RCAN1: variants seen among roughly 807,000 people sequenced by gnomAD.
RCAN1 encodes regulator of calcineurin 1.
A neutral mutation model predicts 22.9 loss-of-function variants in RCAN1; 11 were observed. The observed-to-expected ratio is 0.48, with a 90% CI of 0.30 to 0.79. RCAN1 has a LOEUF of 0.79. Among genes scored for constraint, RCAN1 ranks in the 30% least tolerant of loss-of-function variants. RCAN1 has a pLI of 0.06. For missense variants in RCAN1, 291 were observed against 337.8 expected, an observed-to-expected ratio of 0.86 and a Z score of 1.09; for synonymous variants, 136 against 142.3, an observed-to-expected ratio of 0.96 and a Z score of 0.32.
intron 1 of RCAN1, among the ~76,000 whole-genome samples, chr21:34,594,335 C>T (rs998784274): frequency 6.6e-6 from 1 of 152,140 alleles, no homozygotes; most frequent in South Asian, 2.1e-4. Flanking sequence ...GGGTGGATCA[C>T]GGGGTCAAGA....
intron 1 of RCAN1, among the ~76,000 whole-genome samples, chr21:34,532,256 T>G (rs1490237715): frequency 6.6e-6 from 1 of 152,098 alleles, no homozygotes; most frequent in Non-Finnish European, 1.5e-5. Context: ...AAACTGACTT[T>G]GCGGGGTTCT....
At chr21:34,538,261 G>A (rs916712405) in intron 1 of RCAN1, among the ~76,000 whole-genome samples, 16 of 152,196 alleles carry the variant, frequency 1.1e-4, no homozygotes, top group Non-Finnish European at 1.5e-5. Context: ...TCGGAGAAGA[G>A]AGCATTTTAA....
At chr21:34,532,926 T>C (rs577044225) in intron 1 of RCAN1, among the ~76,000 whole-genome samples, 1 of 152,154 alleles carries the variant, frequency 6.6e-6, no homozygotes, top group African/African-American at 2.4e-5. Context: ...ATTTTTAAAA[T>C]TTGATAATAC....
intron 3 of RCAN1, among the ~76,000 whole-genome samples, chr21:34,519,941 G>C (rs991080520): frequency 1.3e-5 from 2 of 152,194 alleles, no homozygotes; most frequent in African/African-American, 4.8e-5. Flanking sequence ...CTCTGAGAGA[G>C]AGAATTCAGG....
At position 34,547,375 on chromosome 21, in the gene RCAN1, G is replaced by A. The variant is rs111859641; in HGVS notation, c.253-23665C>T. Reference sequence around the variant, plus strand: ...CTGCCATGTATGGGAATGCACCCCAGGAAACACACAATTTTGAAAAACATC... The same window carrying A: ...CTGCCATGTATGGGAATGCACCCCAAGAAACACACAATTTTGAAAAACATC... On this transcript the variant is annotated intron_variant, in intron 1 of 3. Transcript: ENST00000313806. 4.2e-3 allele frequency among the ~76,000 whole-genome samples: 634 copies of A among 152,234 alleles called. 6 individuals carry two copies. Among genetic ancestry groups the A allele is most frequent in the African/African-American group, 0.015 (607 of 41,556 alleles).
intron 1 of RCAN1, among the ~76,000 whole-genome samples, chr21:34,530,872 C>T (rs1985357463): frequency 6.6e-6 from 1 of 152,106 alleles, no homozygotes; most frequent in African/African-American, 2.4e-5. Flanking sequence ...ATCCACCCGC[C>T]TCGGCCTCCC....
At chr21:34,565,213 A>G (rs1285834236) in intron 1 of RCAN1, among the ~76,000 whole-genome samples, 2 of 152,168 alleles carry the variant, frequency 1.3e-5, no homozygotes, top group Non-Finnish European at 1.5e-5. Flanking sequence ...AGAAAAGAAA[A>G]AGCTAAGGCT....
chr21:34,542,080 T>C (rs889979830), intron 1 of RCAN1, among the ~76,000 whole-genome samples: 2 of 152,178 alleles, frequency 1.3e-5, no homozygotes, highest in Non-Finnish European at 2.9e-5. Context: ...AAAGTGCCTA[T>C]AAACAGAGGT....
In RCAN1 at chr21:34,518,088, C is replaced by T. The variant is rs1423945135; in HGVS notation, c.755G>A (p.Ser252Asn). 6.2e-7 allele frequency: 1 copy of T among 1,614,140 alleles called. No homozygotes were observed. Among genetic ancestry groups the T allele is most frequent in the South Asian group, 1.1e-5 (1 of 91,078 alleles). Residue 252 changes from serine (S) to asparagine (N), a missense_variant, in exon 4 of 4, where the codon AGC becomes AAC. By Grantham distance (46) the Ser-to-Asn change is conservative. Transcript: ENST00000313806. The surrounding 1 kb of genome is among the most constrained non-coding windows in gnomAD (Gnocchi z 4.2). ...GCGTCCTCGTCGCGTGCCAGTTCAG[C>T]TGAGGTGGATCGGCGTGTACTCCGG... ...RRPEYTPIHL[S>N]
At chr21:34,590,174 A>G (rs749953356) in intron 1 of RCAN1, among the ~76,000 whole-genome samples, 15 of 152,202 alleles carry the variant, frequency 9.9e-5, no homozygotes, top group Non-Finnish European at 2.1e-4. Context: ...GCTGAGTTTA[A>G]AAATCATATC....
chr21:34,518,735 G>A lies in RCAN1; in HGVS notation c.587-479C>T, dbSNP rs1243827377. Among the ~76,000 whole-genome samples the A allele has an allele frequency of 6.6e-6, 1 of 152,214 alleles. No individual in the cohort carries two copies. The highest frequency in any genetic ancestry group is 1.5e-5 in the Non-Finnish European group (1 of 68,040). On this transcript the variant is annotated intron_variant, in intron 3 of 3. Transcript: ENST00000313806. This position sits in a 1 kb window ranked among gnomAD's most constrained non-coding sequence, Gnocchi z 4.2. ...GAAGGGCGCCACAGGAGGCCCTGCAGCAGACGCAGGGGTGGCTGCACGGAG... is the reference window on the plus strand; with the variant it reads ...GAAGGGCGCCACAGGAGGCCCTGCAACAGACGCAGGGGTGGCTGCACGGAG...
chr21:34,559,682 T>C (rs1986718499), intron 1 of RCAN1: 2 of 152,292 alleles, frequency 1.3e-5, no homozygotes, highest in Admixed American at 1.3e-4. Flanking sequence ...ACTTTGCAGT[T>C]TACAAGGTCA....
chr21:34,526,760 TAC>T, intron 1 of RCAN1: 1 of 1,610,168 alleles, frequency 6.2e-7, no homozygotes, highest in Non-Finnish European at 8.5e-7. Flanking sequence ...CTTGCTTTCT[TAC>T]AGTGAAAGCG....
intron 1 of RCAN1, among the ~76,000 whole-genome samples, chr21:34,597,827 C>T (rs1988213015): frequency 6.6e-6 from 1 of 151,824 alleles, no homozygotes; most frequent in Non-Finnish European, 1.5e-5. Context: ...GGCTTTAGCA[C>T]AGGTGGTTGG....
At chr21:34,519,397 CTTTTTTTTT>C (rs34152667) in intron 3 of RCAN1, among the ~76,000 whole-genome samples, 1 of 102,786 alleles carries the variant, frequency 9.7e-6, no homozygotes, top group African/African-American at 3.7e-5. Flanking sequence ...TTCTTTCTTT[CTTTTTTTTT>C]TTTTTTTTTT....
intron 1 of RCAN1, among the ~76,000 whole-genome samples, chr21:34,588,540 G>A (rs964316380): frequency 6.6e-6 from 1 of 152,204 alleles, no homozygotes; most frequent in Non-Finnish European, 1.5e-5. Flanking sequence ...AACAAGAGTT[G>A]GCAAGGAGGT....
At chr21:34,545,208 A>G (rs1986087551) in intron 1 of RCAN1, among the ~76,000 whole-genome samples, 1 of 152,190 alleles carries the variant, frequency 6.6e-6, no homozygotes, top group African/African-American at 2.4e-5. Context: ...GTGTCACCTC[A>G]AGTTTGCTTC....
In RCAN1 at chr21:34,518,276, G is replaced by T. The variant is rs757903016; in HGVS notation, c.587-20C>A. On this transcript the variant is annotated intron_variant, in intron 3 of 3. Coordinates refer to ENST00000313806, the MANE Select transcript of RCAN1 (RefSeq NM_004414.7). The surrounding 1 kb of genome is among the most constrained non-coding windows in gnomAD (Gnocchi z 4.2). ...TTTCCCCTAAGGAGGGAAAATAATC[G>T]CAGGGTCACTCAGACAAGTCCTTGG... 4 of 1,611,738 alleles carry T rather than the reference G, an allele frequency of 2.5e-6. No homozygotes were observed. Among genetic ancestry groups the T allele is most frequent in the African/African-American group, 1.3e-5 (1 of 74,858 alleles).
At chr21:34,578,150 A>G (rs2123693128) in intron 1 of RCAN1, among the ~76,000 whole-genome samples, 1 of 152,302 alleles carries the variant, frequency 6.6e-6, no homozygotes, top group African/African-American at 2.4e-5. Flanking sequence ...CAAAAACACA[A>G]AAGAGCAAGA....
Sources: gnomAD v4.1 joint callset for allele counts (sites outside exome capture counted in the v4.1 genomes callset) on GRCh38, gnomAD v4.1.1 for gene constraint, Gnocchi (gnomAD v3.1) non-coding constraint, MANE v1.5 for transcripts, NCBI Gene and HGNC (gene_info 2026-07-23, HGNC 2026-07-21) for gene names.